Variants in WDR62 observed in about 807,000 individuals in gnomAD.
WDR62 encodes the protein WD repeat domain 62.
In WDR62, 112 loss-of-function variants were observed where a neutral mutation model predicts 160.6. That is an observed-to-expected ratio of 0.70 (90% CI 0.60 to 0.82). The LOEUF (loss-of-function observed/expected upper bound fraction) is 0.82. Among genes scored for constraint, WDR62 ranks in the 40% least tolerant of loss-of-function variants. The pLI is 0.00. For synonymous variants in WDR62, 792 were observed against 815.1 expected (o/e 0.97, Z 0.48); for missense variants, 1,819 against 1,983.8 (o/e 0.92, Z 1.58).
In WDR62 at chr19:36,097,075, G is replaced by A. The variant is rs766924001; in HGVS notation, c.2516G>A (p.Arg839Gln). Residue 839 changes from arginine (R) to glutamine (Q), a missense_variant, in exon 21 of 32, where the codon CGG becomes CAG. Coordinates refer to ENST00000401500, the MANE Select transcript of WDR62 (RefSeq NM_001083961.2). The stretch of plus-strand genomic sequence containing the variant: ...GGCAAGCTGCCACTGTGGGCAAAGC[G>A]GCTGGTAAGTCTTCAGGGAGAGGGT... ...TNGKLPLWAK[R>Q]LLGDDDVADG... 8.1e-6 allele frequency: 13 copies of A among 1,613,766 alleles called. No homozygotes were observed. Among genetic ancestry groups the A allele is most frequent in the East Asian group, 4.5e-5 (2 of 44,884 alleles).
At chr19:36,105,195 C>A, downstream of WDR62, 1 of 864,638 alleles carries the variant, frequency 1.2e-6, no homozygotes, top group Non-Finnish European at 1.8e-6. Flanking sequence ...GCCCAGAGGA[C>A]TCGTGTCTGT....
At chr19:36,056,089 C>T (rs1817676415) in intron 1 of WDR62, among the ~76,000 whole-genome samples, 1 of 152,176 alleles carries the variant, frequency 6.6e-6, no homozygotes, top group African/African-American at 2.4e-5. Context: ...TCGCTTGAAC[C>T]TGGGAGGCGG....
rs574326964 is a variant in WDR62, at chr19:36,103,095, C to T, written c.3462+21C>T. 1.2e-5 allele frequency: 20 copies of T among 1,614,056 alleles called. No individual in the cohort carries two copies. The East Asian group carries it at 1.3e-4, about 11-fold the overall frequency. ...CCCACGTGAGTATTGGGCCCACCTC[C>T]GTCAGGGCACGGGGCTGGGAACCCT... On this transcript the variant is annotated intron_variant, in intron 28 of 31. Transcript: ENST00000401500.
rs1403068118 is a variant in WDR62 at position 36,069,019 on chromosome 19, T to C, written c.882+1009T>C. Among the ~76,000 whole-genome samples the C allele has an allele frequency of 4.2e-5, 6 of 144,416 alleles. No homozygotes were observed. In the South Asian group the frequency reaches 6.7e-4, roughly 16 times the overall value. 94.7% of individuals were successfully genotyped at this position (144,416 alleles called of 152,430 possible). On this transcript the variant is annotated intron_variant, in intron 7 of 31. Coordinates refer to ENST00000401500, the MANE Select transcript of WDR62 (RefSeq NM_001083961.2). ...CTCCCTCCCTGACGGGCCGGCTGGC[T>C]GGGCAGGGGCTGACCCCCACCTCCC...
chr19:36,104,730 G>T (rs1001183869), intron 31 of WDR62, 38 bp from the exon 32 acceptor site: 1 of 1,613,846 alleles, frequency 6.2e-7, no homozygotes, highest in East Asian at 2.2e-5. Context: ...AGACCGCCCG[G>T]CCTTGGTGGC....
Position 36,100,844 on chromosome 19 carries a change from G to C in WDR62, c.2836G>C (p.Glu946Gln). The change falls in exon 23 of 32, where the codon GAG becomes CAG. Residue 946 changes from glutamate (E) to glutamine (Q), a missense_variant. Physicochemically the swap from Glu to Gln is conservative, Grantham distance 29 (BLOSUM62 2). This residue lies in a region of WDR62 where 934 missense variants were observed against 1,157.2 expected (regional missense o/e 0.81). Transcript: ENST00000401500. ...EASELILYSL[E>Q]AEVTVTGTDS... The stretch of plus-strand genomic sequence containing the variant: ...CAGTGAGCTCATCCTCTACTCTCTG[G>C]AGGCAGAAGTGACAGTCACAGGGAC... 6.2e-7 allele frequency: 1 copy of C among 1,614,238 alleles called. No homozygotes were observed. Among genetic ancestry groups the C allele is most frequent in the Non-Finnish European group, 8.5e-7 (1 of 1,180,034 alleles).
intron 20 of WDR62, among the ~76,000 whole-genome samples, chr19:36,094,905 C>T (rs1272240430): frequency 6.6e-6 from 1 of 151,946 alleles, no homozygotes; most frequent in Non-Finnish European, 1.5e-5. Flanking sequence ...GTGGTGCACA[C>T]CTATAGTCCC....
chr19:36,065,966 T>A lies in WDR62; in HGVS notation c.341T>A (p.Leu114His), dbSNP rs778067835. 3.1e-6 allele frequency: 5 copies of A among 1,614,088 alleles called. No homozygotes were observed. Among genetic ancestry groups the A allele is most frequent in the Non-Finnish European group, 4.2e-6 (5 of 1,180,052 alleles). The change falls in exon 4 of 32, where the codon CTC becomes CAC. Residue 114 changes from leucine (L) to histidine (H), a missense_variant. Around this residue, in one of 3 missense-constraint regions of WDR62, gnomAD observed 934 missense variants for 1,157.2 expected, o/e 0.81. Coordinates refer to ENST00000401500, the MANE Select transcript of WDR62 (RefSeq NM_001083961.2). ...CTTTTCTTTATCCCCAGGAAGTCTC[T>A]CAGTGCTCTGGCCTTCTCCCCTGAT... is the stretch of plus-strand genomic sequence containing the variant. ...QHIFNTARKSLSALAFSPDGK... is the reference protein window; with the variant it reads ...QHIFNTARKSHSALAFSPDGK...
At chr19:36,084,935 G>A (rs1432921960) in intron 12 of WDR62, among the ~76,000 whole-genome samples, 191 bp downstream of exon 12, 1 of 152,138 alleles carries the variant, frequency 6.6e-6, no homozygotes, top group Non-Finnish European at 1.5e-5. Flanking sequence ...ACACCCGCAG[G>A]CAGGACTCAG....
chr19:36,106,871 C>T (rs1270055550), downstream of WDR62, among the ~76,000 whole-genome samples: 1 of 152,218 alleles, frequency 6.6e-6, no homozygotes, highest in Non-Finnish European at 1.5e-5. Context: ...TTTCTCACGA[C>T]TCTGCCTCAG....
chr19:36,099,599 G>A lies in WDR62; in HGVS notation c.2721G>A (p.Leu907=). Residue 907 remains leucine (L), a synonymous_variant, in exon 22 of 32, where the codon CTG becomes CTA. Transcript: ENST00000401500. ...SILDSLEPQS[L]ASLLSESESP... is the part of the protein sequence containing the mutation. ...TGGATTCACTGGAGCCACAGAGCCT[G>A]GCCAGCCTGCTGAGTGAGGTACACA... The A allele has an allele frequency of 6.2e-7, 1 of 1,614,178 alleles. No individual in the cohort carries two copies. The highest frequency in any genetic ancestry group is 8.5e-7 in the Non-Finnish European group (1 of 1,180,042).
intron 9 of WDR62, among the ~76,000 whole-genome samples, chr19:36,078,461 C>T (rs1971706955): frequency 6.6e-6 from 1 of 151,886 alleles, no homozygotes; most frequent in Non-Finnish European, 1.5e-5. Flanking sequence ...TTCTTTCTTT[C>T]AGTTACATCA....
At chr19:36,096,718 GA>G (rs1163610855) in intron 20 of WDR62, among the ~76,000 whole-genome samples, 1 of 148,242 alleles carries the variant, frequency 6.7e-6, no homozygotes, top group Non-Finnish European at 1.5e-5. Context: ...CTCAAAAAAA[GA>G]AAAAAAAAGA....
intron 12 of WDR62, among the ~76,000 whole-genome samples, chr19:36,085,414 C>CTTTTTTTTTTT (rs35753706): frequency 0.046 from 3,208 of 70,166 alleles, 670 homozygotes; most frequent in Non-Finnish European, 0.067. Context: ...CACACCTGAC[C>CTTTTTTTTTTT]TTTTTTTTTT....
At chr19:36,090,401 G>T in intron 15 of WDR62, 44 bp from the exon 16 acceptor site, 2 of 1,592,898 alleles carry the variant, frequency 1.3e-6, no homozygotes. Flanking sequence ...AGGTGGTGGG[G>T]TAGGCGGGGC....
At chr19:36,110,455 G>A in the WDR62 span, among the ~76,000 whole-genome samples, 1 of 152,064 alleles carries the variant, frequency 6.6e-6, no homozygotes, top group Non-Finnish European at 1.5e-5. Context: ...TGGGCAACAA[G>A]AGTGAAACTC....
rs794727435 is a variant in WDR62, at chr19:36,102,784, GACC to G, written c.3271_3273del (p.His1091del). ...AGACGTGGAGGCCTCTGAAGCTGAA[GACC>G]ACTTCTTCAACCCACGCCTGAGTAT... On this transcript the variant is annotated inframe_deletion, in exon 27 of 32. Transcript: ENST00000401500. 80 of 1,614,120 alleles carry G rather than the reference GACC, an allele frequency of 5.0e-5. No homozygotes were observed. The African/African-American group carries it at 1.0e-3, about 20-fold the overall frequency.
At chr19:36,067,171 C>T in intron 5 of WDR62, 135 bp from the exon 6 acceptor site, 2 of 1,174,502 alleles carry the variant, frequency 1.7e-6, no homozygotes, top group Non-Finnish European at 1.2e-6. Context: ...TTTCCCCATA[C>T]AGCAGCTCCC....
At position 36,067,830 on chromosome 19, in the gene WDR62, G is replaced by A. The variant is rs766047227; in HGVS notation, c.702G>A (p.Val234=). The A allele has an allele frequency of 8.1e-6, 13 of 1,613,894 alleles. No homozygotes were observed. The Admixed American group carries it at 1.3e-4, about 17-fold the overall frequency. The part of the protein sequence containing the change: ...WFLEVSTETK[V]TSTVPLVGRS... ...CACTACGCCCTCTGTGTCTCCAGGT[G>A]ACGAGCACAGTGCCCCTTGTAGGGC... The change falls in exon 7 of 32, where the codon GTG becomes GTA. Residue 234 remains valine, a splice_region_variant and synonymous_variant. Transcript: ENST00000401500.
Sources: allele counts gnomAD v4.1 joint callset (sites outside exome capture counted in the v4.1 genomes callset), GRCh38; gene constraint gnomAD v4.1.1; regional missense constraint gnomAD v4.1.1; transcripts MANE v1.5; gene names NCBI Gene and HGNC (gene_info 2026-07-23, HGNC 2026-07-21).